PRAG1: variants seen among roughly 807,000 people sequenced by gnomAD.
The protein encoded by PRAG1 is inactive tyrosine-protein kinase PRAG1.
Under a neutral mutation model 95.6 loss-of-function variants are expected in PRAG1, and 110 were observed. The ratio of observed to expected loss-of-function variants is 1.15; its 90% CI spans 0.99 to 1.35. The LOEUF is 1.35. Ranked by LOEUF, PRAG1 falls within the 40% of genes most tolerant of loss-of-function variation. The probability of loss-of-function intolerance (pLI) is 0.00; values close to 1 mark genes in which losing one functional copy is unlikely to be tolerated. For synonymous variants in PRAG1, 1,052 were observed against 819.4 expected, an observed-to-expected ratio of 1.28 and a Z score of -4.85; for missense variants, 2,554 against 1,864.7, an observed-to-expected ratio of 1.37 and a Z score of -6.81.
intron 3 of PRAG1, among the ~76,000 whole-genome samples, chr8:8,357,096 GA>G (rs1046443290): frequency 3.3e-5 from 5 of 151,932 alleles, no homozygotes; most frequent in Admixed American, 6.6e-5. Context: ...AAAACAAAAA[GA>G]AAAAAACTTA....
At chr8:8,369,701 T>C (rs914046844) in intron 3 of PRAG1, among the ~76,000 whole-genome samples, 2 of 140,834 alleles carry the variant, frequency 1.4e-5, no homozygotes, top group Non-Finnish European at 3.0e-5. Flanking sequence ...AAATAAACTT[T>C]TTTTTTTTTT....
intron 2 of PRAG1, among the ~76,000 whole-genome samples, chr8:8,380,428 G>A (rs4592038): frequency 0.16 from 23,966 of 151,584 alleles, 2,169 homozygotes; most frequent in African/African-American, 0.24. Context: ...GTGAAACCTC[G>A]TCTCTACTAA....
intron 2 of PRAG1, among the ~76,000 whole-genome samples, chr8:8,379,375 T>C (rs1177466082): frequency 6.6e-6 from 1 of 152,186 alleles, no homozygotes; most frequent in Non-Finnish European, 1.5e-5. Context: ...CCCCCACTTT[T>C]AGAAGCAGCC....
At chr8:8,330,125 G>A (rs981954518) in intron 4 of PRAG1, among the ~76,000 whole-genome samples, 14 of 152,282 alleles carry the variant, frequency 9.2e-5, no homozygotes, top group African/African-American at 3.1e-4. Flanking sequence ...CAGCACTTTG[G>A]GAGGCCAAGG....
At chr8:8,375,407 TTA>T (rs1180919927) in intron 3 of PRAG1, among the ~76,000 whole-genome samples, 2 of 152,142 alleles carry the variant, frequency 1.3e-5, no homozygotes, top group Non-Finnish European at 2.9e-5. Flanking sequence ...TTTCACTGTG[TTA>T]GCCAGGATGG....
chr8:8,384,652 T>TAGAA (rs1800793510), intron 1 of PRAG1, among the ~76,000 whole-genome samples: 1 of 150,444 alleles, frequency 6.6e-6, no homozygotes, highest in African/African-American at 2.5e-5. Context: ...CCGTTGCACT[T>TAGAA]CTGTGCCTGG....
intron 1 of PRAG1, among the ~76,000 whole-genome samples, chr8:8,384,778 C>T (rs1800796650): frequency 2.0e-5 from 3 of 152,210 alleles, no homozygotes; most frequent in Admixed American, 6.5e-5. Context: ...ATGGGGAAGG[C>T]ACTTCGCAGC....
intron 3 of PRAG1, among the ~76,000 whole-genome samples, chr8:8,355,751 C>A (rs1170477534): frequency 6.6e-6 from 1 of 150,496 alleles, no homozygotes; most frequent in Non-Finnish European, 1.5e-5. Context: ...GAACCCTTAT[C>A]TTATATCATA....
At chr8:8,341,010 C>T (rs978451361) in intron 3 of PRAG1, among the ~76,000 whole-genome samples, 24 of 152,180 alleles carry the variant, frequency 1.6e-4, no homozygotes, top group African/African-American at 5.5e-4. Context: ...ATACAATATT[C>T]TTATATCCAC....
intron 4 of PRAG1, among the ~76,000 whole-genome samples, chr8:8,338,271 G>C (rs1292530440): frequency 6.6e-6 from 1 of 152,200 alleles, no homozygotes; most frequent in Non-Finnish European, 1.5e-5. Context: ...TGGACGTCAT[G>C]GTTTACTGGT....
chr8:8,339,098 AAGAG>A (rs376138322), intron 4 of PRAG1, among the ~76,000 whole-genome samples: 79 of 149,394 alleles, frequency 5.3e-4, no homozygotes, highest in Admixed American at 1.3e-3. Flanking sequence ...GTAGATGCAA[AAGAG>A]AGAGAGAGAG....
rs1031952781 is a variant in PRAG1 at position 8,376,112 on chromosome 8, A to G, written c.2162+135T>C. On this transcript the variant is annotated intron_variant, in intron 3 of 5. Coordinates refer to ENST00000615670, the MANE Select transcript of PRAG1 (RefSeq NM_001080826.3). Reference sequence around the variant, plus strand: ...CCGAGGGCTGCACTGGGACCCTGGGAAATTTACATAAAGGCACAAGGGCCT... The same window carrying G: ...CCGAGGGCTGCACTGGGACCCTGGGGAATTTACATAAAGGCACAAGGGCCT... 6 of 1,254,738 alleles carry G rather than the reference A, an allele frequency of 4.8e-6. No individual in the cohort carries two copies. In the African/African-American group the frequency reaches 9.0e-5, roughly 19 times the overall value. 77.7% of individuals were successfully genotyped at this position (1,254,738 alleles called of 1,614,324 possible). A position where few individuals can be genotyped will look rare whatever the true frequency, so the allele number is the denominator to read the frequency against.
At chr8:8,325,222 C>T (rs987933430) in intron 5 of PRAG1, among the ~76,000 whole-genome samples, 1 of 152,200 alleles carries the variant, frequency 6.6e-6, no homozygotes, top group Non-Finnish European at 1.5e-5. Flanking sequence ...CTCCAGGGCC[C>T]CCACGGCCCG....
At chr8:8,326,496 T>C (rs539541792) in intron 5 of PRAG1, among the ~76,000 whole-genome samples, 81 of 152,064 alleles carry the variant, frequency 5.3e-4, no homozygotes, top group African/African-American at 1.7e-3. Flanking sequence ...AGGGTCTCAA[T>C]AGGTAATCAA....
chr8:8,352,190 C>T (rs1799543593), intron 3 of PRAG1, among the ~76,000 whole-genome samples: 1 of 152,178 alleles, frequency 6.6e-6, no homozygotes, highest in African/African-American at 2.4e-5. Flanking sequence ...GCTACTTCCC[C>T]ATTCTTCACG....
At position 8,332,415 on chromosome 8, in the gene PRAG1, C is replaced by T. The variant is rs183108189; in HGVS notation, c.2321-3954G>A. ...TGACCTTCAGGTGATCCACCCACCT[C>T]GGACTCCTAAAGTGCTGGGATTCCA... On this transcript the variant is annotated intron_variant, in intron 4 of 5. Transcript: ENST00000615670. Among the ~76,000 whole-genome samples, 10 of 152,226 alleles carry T rather than the reference C, an allele frequency of 6.6e-5. No individual in the cohort carries two copies. The East Asian group carries it at 1.3e-3, about 21-fold the overall frequency.
At chr8:8,335,512 T>G (rs1798956993) in intron 4 of PRAG1, among the ~76,000 whole-genome samples, 1 of 152,172 alleles carries the variant, frequency 6.6e-6, no homozygotes, top group Admixed American at 6.6e-5. Context: ...AACTGACTTT[T>G]CATTTTATTC....
At chr8:8,347,930 G>A (rs1465517349) in intron 3 of PRAG1, among the ~76,000 whole-genome samples, 2 of 151,632 alleles carry the variant, frequency 1.3e-5, no homozygotes, top group Non-Finnish European at 2.9e-5. Context: ...GCAGCGGCAT[G>A]ATCTCAGCTC....
chr8:8,331,856 A>G (rs551435150), intron 4 of PRAG1, among the ~76,000 whole-genome samples: 1 of 152,204 alleles, frequency 6.6e-6, no homozygotes, highest in Non-Finnish European at 1.5e-5. Context: ...CCGTATCACT[A>G]CTTGGGTAAA....
Sources: gnomAD v4.1 joint callset for allele counts (sites outside exome capture counted in the v4.1 genomes callset) on GRCh38, gnomAD v4.1.1 for gene constraint, MANE v1.5 for transcripts, NCBI Gene and HGNC (gene_info 2026-07-23, HGNC 2026-07-21) for gene names.